NAALADL2: variants seen among roughly 807,000 people sequenced by gnomAD.
The protein encoded by NAALADL2 is N-acetylated alpha-linked acidic dipeptidase like 2, also known as inactive N-acetylated-alpha-linked acidic dipeptidase-like protein 2.
In NAALADL2, 76 loss-of-function variants were observed where a neutral mutation model predicts 87.2. The ratio of observed to expected loss-of-function variants is 0.87; its 90% CI spans 0.72 to 1.05. The LOEUF (loss-of-function observed/expected upper bound fraction) is 1.05, where lower values mean the gene tolerates loss of function less well. Ranked by LOEUF, NAALADL2 falls within the 50% of genes least tolerant of loss-of-function variation. The pLI, the probability that NAALADL2 is intolerant of heterozygous loss-of-function variation, is 0.00. For synonymous variants in NAALADL2, 354 were observed against 331.0 expected, an observed-to-expected ratio of 1.07 and a Z score of -0.75; for missense variants, 1,089 against 945.8, an observed-to-expected ratio of 1.15 and a Z score of -1.99.
chr3:175,637,254 G>C (rs1728681840), intron 11 of NAALADL2, among the ~76,000 whole-genome samples: 1 of 152,190 alleles, frequency 6.6e-6, no homozygotes, highest in South Asian at 2.1e-4. Context: ...ATATGGCATG[G>C]CTGTCAGTGA....
intron 2 of NAALADL2, among the ~76,000 whole-genome samples, chr3:175,196,124 C>T (rs144498277): frequency 6.6e-6 from 1 of 151,818 alleles, no homozygotes; most frequent in Non-Finnish European, 1.5e-5. Context: ...GGAAACAATT[C>T]AGAAAAAGGG....
intron 1 of NAALADL2, among the ~76,000 whole-genome samples, chr3:174,977,122 G>A (rs1030202112): frequency 9.9e-5 from 15 of 152,168 alleles, no homozygotes; most frequent in African/African-American, 3.6e-4. Flanking sequence ...TGTGCTAAAT[G>A]AAATAAGCCA....
chr3:174,916,998 T>C (rs1397183041), intron 1 of NAALADL2, among the ~76,000 whole-genome samples: 5 of 152,166 alleles, frequency 3.3e-5, no homozygotes, highest in Admixed American at 1.3e-4. Flanking sequence ...TGCCTGTTCA[T>C]CATCCTTGGT....
intron 13 of NAALADL2, among the ~76,000 whole-genome samples, chr3:175,785,855 T>C (rs1382149589): frequency 6.7e-6 from 1 of 150,188 alleles, no homozygotes; most frequent in Non-Finnish European, 1.5e-5. Context: ...GTTGTTCCTT[T>C]CTGTGTTTAG....
chr3:174,923,384 A>C (rs970420381), intron 1 of NAALADL2, among the ~76,000 whole-genome samples: 1 of 152,110 alleles, frequency 6.6e-6, no homozygotes, highest in Non-Finnish European at 1.5e-5. Flanking sequence ...TTTAATCAAT[A>C]ACTAAATATT....
intron 1 of NAALADL2, among the ~76,000 whole-genome samples, chr3:174,926,837 T>A (rs1204022925): frequency 6.6e-6 from 1 of 152,014 alleles, no homozygotes; most frequent in South Asian, 2.1e-4. Flanking sequence ...AATGACAGGA[T>A]CAAATTCACA....
At chr3:175,599,938 A>T (rs1228058118) in intron 10 of NAALADL2, among the ~76,000 whole-genome samples, 4 of 152,104 alleles carry the variant, frequency 2.6e-5, no homozygotes, top group Non-Finnish European at 1.5e-5. Flanking sequence ...TCTTAGGCCC[A>T]TATCAGCTGT....
At chr3:174,624,664 A>T (rs1721378016) in intron 2 of NAALADL2, among the ~76,000 whole-genome samples, 1 of 151,858 alleles carries the variant, frequency 6.6e-6, no homozygotes, top group African/African-American at 2.4e-5. Context: ...AGATTGGACT[A>T]CTGTGATCTT....
Position 175,365,738 on chromosome 3 carries a change from T to C in NAALADL2, c.1090+41413T>C, listed in dbSNP as rs753516064. Among the ~76,000 whole-genome samples, 9 of 147,410 alleles carry C rather than the reference T, an allele frequency of 6.1e-5. 1 individual carries two copies. The highest frequency in any genetic ancestry group is 1.4e-4 in the Non-Finnish European group (9 of 66,450). On this transcript the variant is annotated intron_variant, in intron 5 of 13. Transcript: ENST00000454872. ...GAGATACATAGGATCCAAGACATGC[T>C]TAACATTAATTATGAGGCTTTGATG...
intron 2 of NAALADL2, among the ~76,000 whole-genome samples, chr3:174,699,436 G>A (rs1299947756): frequency 6.6e-6 from 1 of 151,200 alleles, no homozygotes; most frequent in Admixed American, 6.6e-5. Context: ...GGAGGTTGCA[G>A]TGAGCCAAGA....
At chr3:175,764,765 A>G (rs1057391342) in intron 13 of NAALADL2, among the ~76,000 whole-genome samples, 4 of 152,164 alleles carry the variant, frequency 2.6e-5, no homozygotes, top group Non-Finnish European at 5.9e-5. Context: ...CAGGTATTAT[A>G]TGATCAGTTT....
chr3:175,559,294 G>T (rs932694962), intron 9 of NAALADL2, among the ~76,000 whole-genome samples: 33 of 149,960 alleles, frequency 2.2e-4, no homozygotes, highest in Non-Finnish European at 3.4e-4. Context: ...AATTTTTTTT[G>T]AATTTGTTTA....
chr3:175,667,171 A>AAG (rs1321371994), intron 11 of NAALADL2, among the ~76,000 whole-genome samples: 24 of 139,246 alleles, frequency 1.7e-4, no homozygotes, highest in East Asian at 2.1e-4. Context: ...AAAAGAAAGA[A>AAG]AGAAAGAAAG....
intron 2 of NAALADL2, among the ~76,000 whole-genome samples, chr3:175,194,050 G>T (rs977591980): frequency 5.3e-5 from 8 of 151,622 alleles, no homozygotes; most frequent in South Asian, 2.1e-4. Flanking sequence ...TACGTGTGTT[G>T]GTTTGTGAAA....
intron 2 of NAALADL2, among the ~76,000 whole-genome samples, chr3:174,661,829 A>G (rs886857894): frequency 6.6e-6 from 1 of 150,524 alleles, no homozygotes; most frequent in Non-Finnish European, 1.5e-5. Flanking sequence ...GCGTGCACGC[A>G]CACACACACA....
intron 13 of NAALADL2, among the ~76,000 whole-genome samples, chr3:175,791,181 G>C (rs1049593159): frequency 6.6e-6 from 1 of 152,092 alleles, no homozygotes; most frequent in Non-Finnish European, 1.5e-5. Context: ...TATATAGCGG[G>C]GCAGCAAACT....
At chr3:175,683,209 A>G (rs1165848731) in intron 11 of NAALADL2, among the ~76,000 whole-genome samples, 3 of 152,018 alleles carry the variant, frequency 2.0e-5, no homozygotes, top group Non-Finnish European at 4.4e-5. Flanking sequence ...CATATGGAAT[A>G]CTTGTTTACC....
chr3:175,413,179 T>A (rs1237240989), intron 5 of NAALADL2, among the ~76,000 whole-genome samples: 16 of 143,928 alleles, frequency 1.1e-4, no homozygotes, highest in African/African-American at 3.3e-4. Flanking sequence ...TGGGCAGATC[T>A]TGAGGTCAGG....
intron 2 of NAALADL2, among the ~76,000 whole-genome samples, chr3:174,666,855 C>A (rs1037551741): frequency 1.3e-5 from 2 of 152,058 alleles, no homozygotes; most frequent in Non-Finnish European, 2.9e-5. Flanking sequence ...ACCTCCAGCC[C>A]CTGCAAACCA....
Sources: gnomAD v4.1 joint callset for allele counts (sites outside exome capture counted in the v4.1 genomes callset) on GRCh38, gnomAD v4.1.1 for gene constraint, MANE v1.5 for transcripts, NCBI Gene and HGNC (gene_info 2026-07-23, HGNC 2026-07-21) for gene names.